The following WWOX variants were observed in gnomAD, a reference collection of about 807,000 sequenced individuals.
WWOX encodes WW domain-containing oxidoreductase.
In WWOX, 69 loss-of-function variants were observed where a neutral mutation model predicts 46.2. The ratio of observed to expected loss-of-function variants is 1.49; its 90% confidence interval spans 1.23 to 1.82. The LOEUF (loss-of-function observed/expected upper bound fraction) is 1.82. WWOX is among the 40% of genes most tolerant of loss of function. The pLI is 0.00. For missense variants in WWOX, 919 were observed against 542.6 expected (o/e 1.69, Z -6.89); for synonymous variants, 359 against 202.6 (o/e 1.77, Z -6.56).
chr16:78,557,657 T>TGCGAC (rs1203215470), intron 8 of WWOX, among the ~76,000 whole-genome samples: 1 of 150,196 alleles, frequency 6.7e-6, no homozygotes, highest in Non-Finnish European at 1.5e-5. Flanking sequence ...TGCCCGGAAA[T>TGCGAC]GCGACACATA....
rs145614463 is a variant in WWOX, at chr16:78,746,645, T to G, written c.1056+313893T>G. On this transcript the variant is annotated intron_variant, in intron 8 of 8. Transcript: ENST00000566780. ...AGTCAACATGATGTGAGCAGAGTCTTGAGATGTGCTTGCATGATTGGCTTT... is the reference window on the plus strand; with the variant it reads ...AGTCAACATGATGTGAGCAGAGTCTGGAGATGTGCTTGCATGATTGGCTTT... Among the ~76,000 whole-genome samples, 1,243 of 152,002 alleles carry G rather than the reference T, an allele frequency of 8.2e-3. 9 individuals are homozygous for G. The highest frequency in any genetic ancestry group is 0.012 in the Non-Finnish European group (818 of 67,952).
chr16:79,210,259 C>G (rs1174884922), intron 8 of WWOX, among the ~76,000 whole-genome samples: 1 of 152,212 alleles, frequency 6.6e-6, no homozygotes, highest in Non-Finnish European at 1.5e-5. Flanking sequence ...CAACAACAAA[C>G]CCAAGTCTGC....
chr16:78,915,809 T>C (rs2045236989), intron 8 of WWOX, among the ~76,000 whole-genome samples: 1 of 152,214 alleles, frequency 6.6e-6, no homozygotes, highest in Non-Finnish European at 1.5e-5. Flanking sequence ...TTTATAACTC[T>C]CAAATCTTCT....
intron 8 of WWOX, among the ~76,000 whole-genome samples, chr16:78,643,909 C>G (rs1331707911): frequency 1.3e-5 from 2 of 151,774 alleles, no homozygotes; most frequent in Non-Finnish European, 2.9e-5. Context: ...CTTGATGATA[C>G]TTTATTAAAA....
intron 8 of WWOX, chr16:78,691,413 C>G: frequency 1.6e-6 from 1 of 638,674 alleles, no homozygotes; most frequent in Non-Finnish European, 2.8e-6. Context: ...TAGAAAACAT[C>G]TGGCTGGGCA....
chr16:78,590,146 G>GTCTCTCTCTCTC (rs58692243), intron 8 of WWOX, among the ~76,000 whole-genome samples: 13,343 of 149,574 alleles, frequency 0.089, 770 homozygotes, highest in Middle Eastern at 0.11. Context: ...TAGGCATTCA[G>GTCTCTCTCTCTC]TCTCTCTCTC....
intron 8 of WWOX, among the ~76,000 whole-genome samples, chr16:78,469,333 A>T (rs748355126): frequency 3.9e-5 from 6 of 152,324 alleles, no homozygotes; most frequent in Non-Finnish European, 5.9e-5. Context: ...GAACAAGGAA[A>T]ATATAGCTGA....
At chr16:78,286,940 G>A (rs867373343) in intron 5 of WWOX, among the ~76,000 whole-genome samples, 23 of 152,054 alleles carry the variant, frequency 1.5e-4, no homozygotes, top group Admixed American at 3.3e-4. Flanking sequence ...TTTCTTTTCT[G>A]TTTTTAGTTA....
At chr16:78,776,231 G>C (rs2050186046) in intron 8 of WWOX, among the ~76,000 whole-genome samples, 4 of 152,084 alleles carry the variant, frequency 2.6e-5, no homozygotes, top group Admixed American at 1.3e-4. Flanking sequence ...TAAGGATTGT[G>C]GGTGAACAAC....
chr16:78,943,818 T>C (rs2151294808), intron 8 of WWOX, among the ~76,000 whole-genome samples: 1 of 152,178 alleles, frequency 6.6e-6, no homozygotes, highest in Non-Finnish European at 1.5e-5. Context: ...CACTGTTTGG[T>C]GGACTAAATG....
intron 5 of WWOX, among the ~76,000 whole-genome samples, chr16:78,359,207 G>C (rs1248135362): frequency 6.6e-6 from 1 of 152,144 alleles, no homozygotes; most frequent in African/African-American, 2.4e-5. Context: ...TTACTTGCTA[G>C]GTGAGCTGGT....
intron 8 of WWOX, among the ~76,000 whole-genome samples, chr16:79,180,969 A>G (rs1451895737): frequency 1.3e-5 from 2 of 152,232 alleles, no homozygotes; most frequent in Non-Finnish European, 2.9e-5. Context: ...AATACAGTTG[A>G]GATCATATTG....
rs551731130 is a variant in WWOX at position 79,092,685 on chromosome 16, G to A, written c.1057-118923G>A. ...AATTGTGATGGAAACAGAGACAGAT[G>A]TATGTACCTTTCATGGACATAATTT... On this transcript the variant is annotated intron_variant, in intron 8 of 8. Coordinates refer to ENST00000566780, the MANE Select transcript of WWOX (RefSeq NM_016373.4). Among the ~76,000 whole-genome samples, 6 of 152,334 alleles carry A rather than the reference G, an allele frequency of 3.9e-5. No individual in the cohort carries two copies. In the South Asian group the frequency reaches 6.2e-4, roughly 16 times the overall value.
intron 8 of WWOX, among the ~76,000 whole-genome samples, chr16:78,512,459 T>C (rs2085384151): frequency 1.3e-5 from 2 of 152,220 alleles, no homozygotes; most frequent in East Asian, 1.9e-4. Flanking sequence ...TTAAACGTGT[T>C]CACCAAAACC....
At chr16:78,775,592 C>T (rs761657992) in intron 8 of WWOX, among the ~76,000 whole-genome samples, 1 of 152,106 alleles carries the variant, frequency 6.6e-6, no homozygotes, top group Non-Finnish European at 1.5e-5. Flanking sequence ...GTGTTTCACT[C>T]CCCCACCTCT....
chr16:79,208,367 A>T (rs2150853306), intron 8 of WWOX, among the ~76,000 whole-genome samples: 1 of 132,564 alleles, frequency 7.5e-6, no homozygotes, highest in East Asian at 2.0e-4. Flanking sequence ...GGCTTCTGAT[A>T]AATGATTGAT....
intron 8 of WWOX, among the ~76,000 whole-genome samples, chr16:78,859,695 C>T (rs953602793): frequency 8.5e-5 from 13 of 152,156 alleles, no homozygotes; most frequent in African/African-American, 2.7e-4. Context: ...TCAAAAATTT[C>T]TCCATAGCCT....
At chr16:78,529,556 T>A (rs2043568449) in intron 8 of WWOX, among the ~76,000 whole-genome samples, 1 of 152,120 alleles carries the variant, frequency 6.6e-6, no homozygotes, top group Admixed American at 6.5e-5. Flanking sequence ...AACCTCCGCC[T>A]CTCGAGTTCA....
rs17795181 is a variant in WWOX, at chr16:78,672,087, C to T, written c.1056+239335C>T. On this transcript the variant is annotated intron_variant, in intron 8 of 8. Coordinates refer to ENST00000566780, the MANE Select transcript of WWOX (RefSeq NM_016373.4). ...TAAAAAGCATTCTGTTATCTTACTT[C>T]ACAACTCTCCACTTTTGTAAAAGTT... 3.3e-3 allele frequency among the ~76,000 whole-genome samples: 502 copies of T among 152,294 alleles called. 17 individuals are homozygous for T. The East Asian group carries it at 0.073, about 22-fold the overall frequency.
Sources: allele counts gnomAD v4.1 joint callset (sites outside exome capture counted in the v4.1 genomes callset), GRCh38; gene constraint gnomAD v4.1.1; transcripts MANE v1.5; gene names NCBI Gene and HGNC (gene_info 2026-07-23, HGNC 2026-07-21).